KDM5B: variants seen among roughly 807,000 people sequenced by gnomAD.
KDM5B encodes lysine demethylase 5B.
KDM5B carries 144 observed loss-of-function variants against 193.4 expected under a neutral mutation model. That is an observed-to-expected ratio of 0.74 (90% CI 0.65 to 0.86). The LOEUF (loss-of-function observed/expected upper bound fraction) is 0.86. Among genes scored for constraint, KDM5B ranks in the 40% least tolerant of loss-of-function variants. The pLI, the probability that KDM5B is intolerant of heterozygous loss-of-function variation, is 0.00. For missense variants in KDM5B, 1,833 were observed against 1,886.9 expected (o/e 0.97, Z 0.53); for synonymous variants, 668 against 682.6 (o/e 0.98, Z 0.33).
chr1:202,736,356 CTA>C lies in KDM5B; in HGVS notation c.3119_3120del (p.Ile1040ArgfsTer25). On this transcript the variant is annotated frameshift_variant, in exon 21 of 27. Coordinates refer to ENST00000367265, the MANE Select transcript of KDM5B (RefSeq NM_006618.5). LOFTEE classifies it high-confidence loss of function. ...GGRVPVLDTL[I>X]ELVTRGRSIP... ...ATAGATCGGCCTCGTGTAACAAGTT[CTA>C]TGAGTGTGTCTAACACTGGCACACG... is the stretch of plus-strand genomic sequence containing the variant. The C allele has an allele frequency of 6.2e-7, 1 of 1,608,096 alleles. No homozygotes were observed. Among genetic ancestry groups the C allele is most frequent in the Non-Finnish European group, 8.5e-7 (1 of 1,177,246 alleles).
chr1:202,737,100 C>T (rs1290714466), intron 20 of KDM5B, among the ~76,000 whole-genome samples: 3 of 152,110 alleles, frequency 2.0e-5, no homozygotes, highest in East Asian at 1.9e-4. Flanking sequence ...TGTAGTAACT[C>T]AAGACTTTCA....
At chr1:202,804,770 G>A (rs944424263) in intron 1 of KDM5B, among the ~76,000 whole-genome samples, 12 of 151,772 alleles carry the variant, frequency 7.9e-5, no homozygotes, top group Admixed American at 5.9e-4. Flanking sequence ...AGCACTTTGG[G>A]AGGCCGAGGC....
At chr1:202,754,239 C>G (rs1655920016) in intron 11 of KDM5B, among the ~76,000 whole-genome samples, 1 of 152,210 alleles carries the variant, frequency 6.6e-6, no homozygotes, top group Non-Finnish European at 1.5e-5. Flanking sequence ...CTGGGAGAAA[C>G]TGCCTAGGGA....
At chr1:202,777,162 A>T in intron 1 of KDM5B, 68 bp from the exon 2 acceptor site, 2 of 1,227,300 alleles carry the variant, frequency 1.6e-6, no homozygotes, top group Non-Finnish European at 2.4e-6. Context: ...TTTGTTTTAA[A>T]ATTAAAACCC....
chr1:202,784,130 C>G (rs1183401375), intron 1 of KDM5B, among the ~76,000 whole-genome samples: 1 of 152,032 alleles, frequency 6.6e-6, no homozygotes, highest in Non-Finnish European at 1.5e-5. Flanking sequence ...CCAAAAAATG[C>G]CAGGAAAATT....
intron 12 of KDM5B, 54 bp from the exon 13 acceptor site, chr1:202,750,832 C>A: frequency 6.4e-7 from 1 of 1,564,672 alleles, no homozygotes; most frequent in Non-Finnish European, 8.7e-7. Context: ...GACATTGTTA[C>A]TAAAGACAAT....
chr1:202,729,682 C>G, intron 26 of KDM5B, 25 bp downstream of exon 26: 1 of 1,594,078 alleles, frequency 6.3e-7, no homozygotes, highest in South Asian at 1.1e-5. Context: ...GAAAGCACGT[C>G]CTCTATGGCC....
chr1:202,786,191 TGGG>T (rs71142559), intron 1 of KDM5B, among the ~76,000 whole-genome samples: 9 of 56,060 alleles, frequency 1.6e-4, no homozygotes, highest in South Asian at 8.2e-4. Context: ...AGACGGGGGG[TGGG>T]GGGGGGGGTC....
chr1:202,738,655 T>C (rs970338689), intron 20 of KDM5B, among the ~76,000 whole-genome samples: 1 of 152,228 alleles, frequency 6.6e-6, no homozygotes, highest in Non-Finnish European at 1.5e-5. Flanking sequence ...ATTTTATTTC[T>C]AGAATTTGAG....
chr1:202,782,146 G>C (rs1025401168), intron 1 of KDM5B, among the ~76,000 whole-genome samples: 1 of 152,092 alleles, frequency 6.6e-6, no homozygotes, highest in African/African-American at 2.4e-5. Flanking sequence ...AGTTTGAGAA[G>C]ATCATTTTTG....
intron 1 of KDM5B, among the ~76,000 whole-genome samples, chr1:202,778,912 G>A (rs545130967): frequency 3.4e-4 from 51 of 152,130 alleles, no homozygotes; most frequent in South Asian, 2.3e-3. Flanking sequence ...GTGAGCCACC[G>A]CACCCAGCCT....
intron 12 of KDM5B, 103 bp from the exon 13 acceptor site, chr1:202,750,881 G>T: frequency 8.0e-7 from 1 of 1,251,442 alleles, no homozygotes; most frequent in Non-Finnish European, 1.1e-6. Context: ...AAAAAAGGCA[G>T]CTTTCTGAAA....
chr1:202,801,843 T>C (rs1658088797), intron 1 of KDM5B, among the ~76,000 whole-genome samples: 1 of 152,170 alleles, frequency 6.6e-6, no homozygotes, highest in African/African-American at 2.4e-5. Context: ...AGAATATGGC[T>C]TTCCCAAGGT....
intron 11 of KDM5B, 54 bp from the exon 12 acceptor site, chr1:202,753,121 G>C: frequency 6.8e-7 from 1 of 1,472,932 alleles, no homozygotes; most frequent in Non-Finnish European, 9.3e-7. Context: ...CAAACAAAAT[G>C]GGTTACCAGT....
chr1:202,753,356 A>G (rs1655873682), intron 11 of KDM5B, among the ~76,000 whole-genome samples: 1 of 152,068 alleles, frequency 6.6e-6, no homozygotes, highest in Non-Finnish European at 1.5e-5. Flanking sequence ...TTAGCCAGGC[A>G]TGGTGGCAGG....
chr1:202,788,193 C>T (rs1342507458), intron 1 of KDM5B, among the ~76,000 whole-genome samples: 3 of 152,158 alleles, frequency 2.0e-5, no homozygotes, highest in Admixed American at 6.5e-5. Flanking sequence ...AAAGTTATAC[C>T]TGGGTCAACC....
chr1:202,805,619 T>C (rs76874527), intron 1 of KDM5B, among the ~76,000 whole-genome samples: 3,042 of 152,262 alleles, frequency 0.02, 92 homozygotes, highest in African/African-American at 0.068. Flanking sequence ...ATACAGACAT[T>C]ATATATATCA....
intron 4 of KDM5B, chr1:202,767,272 G>C: frequency 6.2e-7 from 1 of 1,607,992 alleles, no homozygotes; most frequent in South Asian, 1.1e-5. Context: ...GAAGGGTATA[G>C]CAAACGCAGA....
rs758565397 is a variant in KDM5B, at chr1:202,733,552, C to T, written c.3758G>A (p.Arg1253Gln). 6.2e-6 allele frequency: 10 copies of T among 1,614,124 alleles called. No individual in the cohort carries two copies. Among genetic ancestry groups the T allele is most frequent in the Middle Eastern group, 1.6e-4 (1 of 6,062 alleles). The change falls in exon 23 of 27, where the codon CGA (arginine) becomes CAA (glutamine). Residue 1253 changes from arginine (R) to glutamine (Q), a missense_variant. Arg to Gln is a conservative substitution (Grantham distance 43). This residue lies in a region of KDM5B where 1,379 missense variants were observed against 1,349.6 expected (regional missense o/e 1.02). Coordinates refer to ENST00000367265, the MANE Select transcript of KDM5B (RefSeq NM_006618.5). Reference sequence around the variant, plus strand: ...GTTCACGGTTCTTTCAATCATATATCGAAGTGCATCTCCCTCAGGAAGGCG... The same window carrying T: ...GTTCACGGTTCTTTCAATCATATATTGAAGTGCATCTCCCTCAGGAAGGCG... ...RVRLPEGDAL[R>Q]YMIERTVNWQ...
Sources: gnomAD v4.1 joint callset for allele counts (sites outside exome capture counted in the v4.1 genomes callset) on GRCh38, gnomAD v4.1.1 for gene constraint, gnomAD v4.1.1 regional missense constraint, MANE v1.5 for transcripts, NCBI Gene and HGNC (gene_info 2026-07-23, HGNC 2026-07-21) for gene names.